ZSCAN25: variants seen among roughly 807,000 people sequenced by gnomAD.
ZSCAN25 encodes zinc finger and SCAN domain-containing protein 25.
ZSCAN25 carries 27 observed loss-of-function variants against 38.7 expected under a neutral mutation model. That is an observed-to-expected ratio of 0.70 (90% CI 0.51 to 0.96). ZSCAN25 has a LOEUF of 0.96. Among genes scored for constraint, ZSCAN25 ranks in the 40% least tolerant of loss-of-function variants. The probability of loss-of-function intolerance (pLI) is 0.00; values close to 1 mark genes in which losing one functional copy is unlikely to be tolerated. For synonymous variants in ZSCAN25, 273 were observed against 277.7 expected (o/e 0.98, Z 0.17); for missense variants, 637 against 705.9 (o/e 0.90, Z 1.11).
In ZSCAN25 at chr7:99,624,551, C is replaced by G. The variant is rs546551317; in HGVS notation, c.805+371C>G. The stretch of plus-strand genomic sequence containing the variant: ...ATTGAGTGCTCCCTGCATGTGGGCC[C>G]TGTGTTAGTGGTTTTCTCTTGCGGC... On this transcript the variant is annotated intron_variant, in intron 7 of 7. Transcript: ENST00000394152. The G allele has an allele frequency of 7.3e-5, 17 of 232,656 alleles. No individual in the cohort carries two copies. The South Asian group carries it at 1.2e-3, about 16-fold the overall frequency. 14.4% of individuals were successfully genotyped at this position (232,656 alleles called of 1,614,324 possible). A position where few individuals can be genotyped will look rare whatever the true frequency, so the allele number is the denominator to read the frequency against.
At chr7:99,641,278 C>A in the ZSCAN25 span, among the ~76,000 whole-genome samples, 1 of 152,120 alleles carries the variant, frequency 6.6e-6, no homozygotes, top group African/African-American at 2.4e-5. Context: ...CATATGGCAG[C>A]AGGAAGAAGT....
the ZSCAN25 span, among the ~76,000 whole-genome samples, chr7:99,711,637 G>A: frequency 2.0e-5 from 3 of 152,104 alleles, no homozygotes; most frequent in Non-Finnish European, 2.9e-5. Flanking sequence ...GCATGGTGAC[G>A]CATGCCTGTA....
At chr7:99,667,538 T>G in the ZSCAN25 span, among the ~76,000 whole-genome samples, 485 of 152,270 alleles carry the variant, frequency 3.2e-3, 1 homozygote, top group African/African-American at 0.011. Context: ...GAAAAGTAGG[T>G]AATACTTAAA....
the ZSCAN25 span, chr7:99,671,676 G>A: frequency 1.7e-6 from 1 of 605,882 alleles, no homozygotes; most frequent in Non-Finnish European, 2.9e-6. Flanking sequence ...CTAAGCAAAG[G>A]ATTTTCAGAC....
At chr7:99,719,290 GA>G in the ZSCAN25 span, among the ~76,000 whole-genome samples, 1 of 152,092 alleles carries the variant, frequency 6.6e-6, no homozygotes, top group African/African-American at 2.4e-5. Flanking sequence ...GTTTGTTGTT[GA>G]TGGAGGAATA....
the ZSCAN25 span, chr7:99,638,387 G>A: frequency 9.4e-6 from 15 of 1,595,986 alleles, no homozygotes; most frequent in South Asian, 4.4e-5. Context: ...TCATGGCATC[G>A]GGCAGGTCCT....
chr7:99,676,526 C>T, the ZSCAN25 span: 1 of 1,370,122 alleles, frequency 7.3e-7, no homozygotes. Flanking sequence ...CACTTCATTT[C>T]CTTATGTCTG....
chr7:99,622,377 C>T (rs143275162), intron 5 of ZSCAN25, 172 bp from the exon 6 acceptor site: 64 of 678,416 alleles, frequency 9.4e-5, no homozygotes, highest in Admixed American at 1.7e-4. Context: ...GGGCAAGGGA[C>T]ACCCAGGCCC....
At chr7:99,713,252 G>A in the ZSCAN25 span, among the ~76,000 whole-genome samples, 83 of 152,296 alleles carry the variant, frequency 5.4e-4, no homozygotes, top group Middle Eastern at 3.4e-3. Flanking sequence ...TGGCATGCCA[G>A]TTTTCCTTAG....
the ZSCAN25 span, among the ~76,000 whole-genome samples, chr7:99,645,196 G>A: frequency 6.6e-6 from 1 of 152,106 alleles, no homozygotes; most frequent in Admixed American, 6.5e-5. Flanking sequence ...TCACCATGTT[G>A]GCCAGGATAG....
chr7:99,692,440 C>G, the ZSCAN25 span, among the ~76,000 whole-genome samples: 9 of 152,124 alleles, frequency 5.9e-5, no homozygotes, highest in Non-Finnish European at 1.0e-4. Flanking sequence ...GAATGTTGGC[C>G]TGCTTTGCTA....
the ZSCAN25 span, chr7:99,715,420 A>G: frequency 3.1e-6 from 1 of 324,894 alleles, no homozygotes; most frequent in South Asian, 3.0e-5. Flanking sequence ...ACTAAAGTAC[A>G]AATTCATGAA....
chr7:99,622,580 C>G lies in ZSCAN25; in HGVS notation c.621C>G (p.Leu207=), dbSNP rs1197171061. Residue 207 remains leucine, a synonymous_variant, in exon 6 of 8, where the codon CTC becomes CTG. Transcript: ENST00000394152. The stretch of plus-strand genomic sequence containing the variant: ...CTGTTCTGCAGGCGGGTCCTGGCCT[C>G]CCCGCAGTGAATCCCAGAGACCAAG... The part of the protein sequence containing the change: ...ALPVLQAGPG[L]PAVNPRDQEM... 2 of 1,614,074 alleles carry G rather than the reference C, an allele frequency of 1.2e-6. No homozygotes were observed. Among genetic ancestry groups the G allele is most frequent in the Middle Eastern group, 1.6e-4 (1 of 6,082 alleles).
At chr7:99,636,192 G>A (rs966910358), downstream of ZSCAN25, among the ~76,000 whole-genome samples, 1 of 151,810 alleles carries the variant, frequency 6.6e-6, no homozygotes, top group African/African-American at 2.4e-5. Flanking sequence ...ACCTTAAAAT[G>A]CAATCATTTA....
chr7:99,621,128 A>T, intron 4 of ZSCAN25: 1 of 343,344 alleles, frequency 2.9e-6, no homozygotes, highest in Non-Finnish European at 5.2e-6. Context: ...TGGTGATGGC[A>T]GGTAGAGGGG....
chr7:99,666,065 T>A, the ZSCAN25 span, among the ~76,000 whole-genome samples: 1 of 152,080 alleles, frequency 6.6e-6, no homozygotes, highest in African/African-American at 2.4e-5. Context: ...AGACAGCAAA[T>A]AATAGGCTTG....
the ZSCAN25 span, chr7:99,700,175 A>G: frequency 1.6e-6 from 1 of 628,142 alleles, no homozygotes; most frequent in Non-Finnish European, 2.9e-6. Context: ...GTGCTGGAGA[A>G]GGAGGCGGGG....
the ZSCAN25 span, among the ~76,000 whole-genome samples, chr7:99,702,022 C>T: frequency 1.3e-5 from 2 of 151,688 alleles, no homozygotes; most frequent in African/African-American, 4.8e-5. Context: ...TTTGTTCAGA[C>T]CAATGTCCTG....
Position 99,629,319 on chromosome 7 carries a change from C to G in ZSCAN25, c.934C>G (p.Gln312Glu). ...QGPGLGRVCE[Q>E]EPGGPAGSAP... is the part of the protein sequence containing the mutation. ...CCCTGGGCTCGGAAGGGTCTGTGAG[C>G]AGGAGCCTGGTGGCCCTGCAGGCAG... Residue 312 changes from glutamine to glutamate, a missense_variant, in exon 8 of 8, where the codon CAG (glutamine) becomes GAG (glutamate). Coordinates refer to ENST00000394152, the MANE Select transcript of ZSCAN25 (RefSeq NM_145115.3). The surrounding 1 kb of genome is among the most constrained non-coding windows in gnomAD (Gnocchi z 5.6). The G allele has an allele frequency of 6.2e-7, 1 of 1,614,200 alleles. No homozygotes were observed. The highest frequency in any genetic ancestry group is 1.3e-5 in the African/African-American group (1 of 75,060).
Sources: gnomAD v4.1 joint callset for allele counts (sites outside exome capture counted in the v4.1 genomes callset) on GRCh38, gnomAD v4.1.1 for gene constraint, Gnocchi (gnomAD v3.1) non-coding constraint, MANE v1.5 for transcripts, NCBI Gene and HGNC (gene_info 2026-07-23, HGNC 2026-07-21) for gene names.